CEP85L: variants seen among roughly 807,000 people sequenced by gnomAD.
The protein encoded by CEP85L is centrosomal protein of 85 kDa-like.
In CEP85L, 60 loss-of-function variants were observed where a neutral mutation model predicts 100.3. That is an observed-to-expected ratio of 0.60 (90% CI 0.49 to 0.74). The LOEUF (loss-of-function observed/expected upper bound fraction) is 0.74, where lower values mean the gene tolerates loss of function less well. Ranked by LOEUF, CEP85L falls within the 30% of genes least tolerant of loss-of-function variation. The pLI is 0.00. For synonymous variants in CEP85L, 319 were observed against 322.7 expected, an observed-to-expected ratio of 0.99 and a Z score of 0.12; for missense variants, 973 against 936.2, an observed-to-expected ratio of 1.04 and a Z score of -0.51.
At chr6:118,590,286 C>G (rs991609960) in intron 2 of CEP85L, among the ~76,000 whole-genome samples, 15 of 152,088 alleles carry the variant, frequency 9.9e-5, no homozygotes, top group African/African-American at 3.6e-4. Flanking sequence ...AGGTTTTTTT[C>G]TTTTAAAGCA....
chr6:118,479,894 C>T lies in CEP85L; in HGVS notation c.1891G>A (p.Asp631Asn). The part of the protein sequence containing the change: ...KIIDSQQDEI[D>N]RMILEIQSMQ... The stretch of plus-strand genomic sequence containing the variant: ...ACCTGAATTTCTAAAATCATTCTGT[C>T]AATCTCATCTTGTTGGCTGTCTATT... Residue 631 changes from aspartate (D) to asparagine (N), a missense_variant, in exon 10 of 13, where the codon GAC (aspartate) becomes AAC (asparagine). Physicochemically the swap from Asp to Asn is conservative, Grantham distance 23. This residue lies in a region of CEP85L where 890 missense variants were observed against 844.5 expected (regional missense o/e 1.05). Coordinates refer to ENST00000368491, the MANE Select transcript of CEP85L (RefSeq NM_001042475.3). 1 of 1,504,430 alleles carries T rather than the reference C, an allele frequency of 6.6e-7. No homozygotes were observed. Among genetic ancestry groups the T allele is most frequent in the Non-Finnish European group, 9.1e-7 (1 of 1,103,794 alleles). 93.2% of individuals were successfully genotyped at this position (1,504,430 alleles called of 1,614,324 possible).
At chr6:118,489,070 C>A (rs111898696) in intron 6 of CEP85L, among the ~76,000 whole-genome samples, 1 of 152,000 alleles carries the variant, frequency 6.6e-6, no homozygotes. Flanking sequence ...GAGTTTGAGA[C>A]CAGCCTGGCC....
chr6:118,583,327 C>T (rs2115085893), intron 2 of CEP85L, among the ~76,000 whole-genome samples: 1 of 152,322 alleles, frequency 6.6e-6, no homozygotes, highest in South Asian at 2.1e-4. Flanking sequence ...TGCTCCTCCT[C>T]TCTAATTCAG....
intron 1 of CEP85L, among the ~76,000 whole-genome samples, chr6:118,682,449 C>T (rs369889826): frequency 3.3e-5 from 5 of 151,780 alleles, no homozygotes; most frequent in Non-Finnish European, 7.4e-5. Flanking sequence ...TTTAAGTACC[C>T]GAGTGGATTA....
At chr6:118,545,876 C>T (rs1407610982) in intron 3 of CEP85L, among the ~76,000 whole-genome samples, 3 of 152,076 alleles carry the variant, frequency 2.0e-5, no homozygotes, top group Non-Finnish European at 4.4e-5. Flanking sequence ...GTCATTAAAC[C>T]ATCACAAATA....
At chr6:118,686,627 TTTGAG>T (rs1392016239) in intron 1 of CEP85L, among the ~76,000 whole-genome samples, 1 of 152,156 alleles carries the variant, frequency 6.6e-6, no homozygotes, top group Non-Finnish European at 1.5e-5. Context: ...CTGATGGTCA[TTTGAG>T]TTATTTCCAC....
chr6:118,499,751 T>C (rs556467121), intron 5 of CEP85L, among the ~76,000 whole-genome samples: 94 of 152,056 alleles, frequency 6.2e-4, no homozygotes, highest in Non-Finnish European at 1.2e-3. Flanking sequence ...AAAGAACATA[T>C]ACAAAATACA....
Position 118,520,582 on chromosome 6 carries a change from A to T in CEP85L, c.1139+3220T>A, listed in dbSNP as rs572696759. ...TACTCTCTTCTAGCTATTTGAAAAA[A>T]ATATAATTATTGTTTATTATAGTTA... On this transcript the variant is annotated intron_variant, in intron 4 of 12. Coordinates refer to ENST00000368491, the MANE Select transcript of CEP85L (RefSeq NM_001042475.3). 3.9e-5 allele frequency among the ~76,000 whole-genome samples: 6 copies of T among 152,268 alleles called. No individual in the cohort carries two copies. In the South Asian group the frequency reaches 1.2e-3, roughly 32 times the overall value.
At position 118,565,535 on chromosome 6, in the gene CEP85L, TG is replaced by T; in HGVS notation, c.1013del (p.Pro338GlnfsTer5). 1.9e-6 allele frequency: 3 copies of T among 1,614,162 alleles called. No individual in the cohort carries two copies. The highest frequency in any genetic ancestry group is 2.5e-6 in the Non-Finnish European group (3 of 1,179,980). ...IEDFRQGSET[P>X]MQVLTGSSRQ... ...ACTAGATTTTGCACCTTACCTGCAT[TG>T]GTGTTTCACTTCCTTGTCGAAAGTC... On this transcript the variant is annotated frameshift_variant, in exon 3 of 13. Transcript: ENST00000368491. LOFTEE classifies it high-confidence loss of function.
chr6:118,497,918 G>A (rs1029295281), intron 5 of CEP85L, among the ~76,000 whole-genome samples: 1 of 152,196 alleles, frequency 6.6e-6, no homozygotes, highest in Non-Finnish European at 1.5e-5. Flanking sequence ...GTATGTTTCT[G>A]TGTATGTGTG....
intron 2 of CEP85L, among the ~76,000 whole-genome samples, chr6:118,625,770 G>T (rs1002702462): frequency 2.0e-5 from 3 of 152,104 alleles, no homozygotes; most frequent in Admixed American, 6.5e-5. Context: ...GAGTACCTTG[G>T]CTTCTCCCCT....
At chr6:118,635,058 T>C (rs572889037) in intron 1 of CEP85L, among the ~76,000 whole-genome samples, 24 of 152,262 alleles carry the variant, frequency 1.6e-4, no homozygotes, top group African/African-American at 5.5e-4. Flanking sequence ...GCCTTGCAAA[T>C]TGGTACAACC....
chr6:118,474,287 A>C (rs1421984674), intron 10 of CEP85L, among the ~76,000 whole-genome samples: 1 of 152,218 alleles, frequency 6.6e-6, no homozygotes, highest in Non-Finnish European at 1.5e-5. Flanking sequence ...AACAAAACTC[A>C]ACTCCATCTC....
intron 2 of CEP85L, among the ~76,000 whole-genome samples, chr6:118,617,934 GCC>G (rs1773175632): frequency 6.6e-6 from 1 of 152,158 alleles, no homozygotes; most frequent in Non-Finnish European, 1.5e-5. Flanking sequence ...GCACCTGTCA[GCC>G]AGTTAAAGGC....
intron 2 of CEP85L, among the ~76,000 whole-genome samples, chr6:118,601,979 A>C (rs535582668): frequency 1.3e-5 from 2 of 152,268 alleles, no homozygotes; most frequent in Non-Finnish European, 2.9e-5. Flanking sequence ...GCAGCCCAGT[A>C]GGTTTCAGCC....
At chr6:118,667,160 T>C (rs1285988249) in intron 1 of CEP85L, among the ~76,000 whole-genome samples, 1 of 152,210 alleles carries the variant, frequency 6.6e-6, no homozygotes, top group East Asian at 1.9e-4. Flanking sequence ...ATGATTAGTG[T>C]TTCTTCCTAT....
intron 4 of CEP85L, among the ~76,000 whole-genome samples, chr6:118,515,195 T>A (rs1390949027): frequency 6.6e-6 from 1 of 152,130 alleles, no homozygotes; most frequent in Non-Finnish European, 1.5e-5. Flanking sequence ...TAAGACGTCA[T>A]GACATTTGGG....
chr6:118,465,925 T>C (rs1216979817), intron 12 of CEP85L, among the ~76,000 whole-genome samples: 1 of 152,192 alleles, frequency 6.6e-6, no homozygotes, highest in Non-Finnish European at 1.5e-5. Context: ...AGACCATTTG[T>C]GTAGTAAGAG....
chr6:118,605,572 A>G (rs1772136275), intron 2 of CEP85L, among the ~76,000 whole-genome samples: 1 of 152,226 alleles, frequency 6.6e-6, no homozygotes, highest in Non-Finnish European at 1.5e-5. Context: ...TTTGATTTTG[A>G]GAGGGATCCA....
Sources: allele counts gnomAD v4.1 joint callset (sites outside exome capture counted in the v4.1 genomes callset), GRCh38; gene constraint gnomAD v4.1.1; regional missense constraint gnomAD v4.1.1; transcripts MANE v1.5; gene names NCBI Gene and HGNC (gene_info 2026-07-23, HGNC 2026-07-21).